L3MBTL4: variants seen among roughly 807,000 people sequenced by gnomAD.
L3MBTL4 encodes the protein lethal(3)malignant brain tumor-like protein 4.
Under a neutral mutation model 84.5 loss-of-function variants are expected in L3MBTL4, and 70 were observed. The observed-to-expected ratio is 0.83, with a 90% CI of 0.68 to 1.01. The LOEUF is 1.01. Among genes scored for constraint, L3MBTL4 ranks in the 50% least tolerant of loss-of-function variants. L3MBTL4 has a pLI of 0.00. For synonymous variants in L3MBTL4, 274 were observed against 259.8 expected (o/e 1.05, Z -0.52); for missense variants, 715 against 754.8 (o/e 0.95, Z 0.62).
At chr18:6,067,812 G>A (rs1333724066) in intron 16 of L3MBTL4, among the ~76,000 whole-genome samples, 1 of 152,086 alleles carries the variant, frequency 6.6e-6, no homozygotes. Context: ...TCTTGGTTTG[G>A]ATCCATTGCT....
At chr18:6,269,192 G>A (rs147779161) in intron 4 of L3MBTL4, among the ~76,000 whole-genome samples, 1,911 of 152,292 alleles carry the variant, frequency 0.013, 38 homozygotes, top group African/African-American at 0.043. Flanking sequence ...GCCAGGCGCG[G>A]TGGCTCACGC....
chr18:6,071,348 A>G (rs2057588967), intron 16 of L3MBTL4, among the ~76,000 whole-genome samples: 1 of 151,168 alleles, frequency 6.6e-6, no homozygotes, highest in East Asian at 2.0e-4. Context: ...CCAGGATTAC[A>G]CCACTGCACT....
At chr18:6,342,466 G>C (rs1425432765) in intron 1 of L3MBTL4, among the ~76,000 whole-genome samples, 2 of 152,066 alleles carry the variant, frequency 1.3e-5, no homozygotes, top group African/African-American at 4.8e-5. Context: ...TAAATGTATT[G>C]AGTTTTTTAA....
intron 14 of L3MBTL4, among the ~76,000 whole-genome samples, chr18:6,104,622 C>G (rs28396102): frequency 6.6e-6 from 1 of 152,204 alleles, no homozygotes; most frequent in African/African-American, 2.4e-5. Flanking sequence ...GTTTTAGTTA[C>G]CCAGATGATT....
chr18:6,233,121 C>A (rs556837541), intron 10 of L3MBTL4, among the ~76,000 whole-genome samples: 5 of 151,932 alleles, frequency 3.3e-5, no homozygotes, highest in South Asian at 4.1e-4. Flanking sequence ...ATTCAACAAC[C>A]CTTCACGCTA....
chr18:6,246,938 A>C (rs191825709), intron 5 of L3MBTL4, among the ~76,000 whole-genome samples: 3 of 152,282 alleles, frequency 2.0e-5, no homozygotes, highest in Admixed American at 2.0e-4. Flanking sequence ...GAAATTTAAA[A>C]GTTGCAACAA....
At chr18:6,413,289 G>A (rs2056046900) in intron 1 of L3MBTL4, among the ~76,000 whole-genome samples, 1 of 152,092 alleles carries the variant, frequency 6.6e-6, no homozygotes, top group Admixed American at 6.5e-5. Flanking sequence ...TGCAGTCAAG[G>A]GTTACATGCA....
rs558701205 is a variant in L3MBTL4 at position 6,117,209 on chromosome 18, G to C, written c.1199+20985C>G. 2.0e-5 allele frequency among the ~76,000 whole-genome samples: 3 copies of C among 152,326 alleles called. No individual in the cohort carries two copies. The South Asian group carries it at 6.2e-4, about 32-fold the overall frequency. On this transcript the variant is annotated intron_variant, in intron 14 of 18. Transcript: ENST00000317931. The stretch of plus-strand genomic sequence containing the variant: ...AAGCGGGACTAATTTATAGACAGGT[G>C]ACTGACAAAGGTGGGGTGAGGTCAG...
chr18:6,201,128 C>T (rs2045631580), intron 12 of L3MBTL4, among the ~76,000 whole-genome samples: 2 of 152,018 alleles, frequency 1.3e-5, no homozygotes, highest in African/African-American at 4.8e-5. Flanking sequence ...ATTCTAGAGG[C>T]AAAACAAAGT....
intron 16 of L3MBTL4, among the ~76,000 whole-genome samples, chr18:5,996,524 C>G (rs930210000): frequency 1.3e-5 from 2 of 152,186 alleles, no homozygotes; most frequent in Non-Finnish European, 2.9e-5. Flanking sequence ...CAGCATGCAG[C>G]ACTCTAGCAG....
At chr18:6,222,504 G>A (rs913375463) in intron 10 of L3MBTL4, among the ~76,000 whole-genome samples, 9 of 152,154 alleles carry the variant, frequency 5.9e-5, no homozygotes, top group African/African-American at 1.9e-4. Context: ...TGGCTCATGC[G>A]GGATCTAATC....
chr18:6,311,849 C>G (rs543775152), intron 2 of L3MBTL4, 149 bp downstream of exon 2: 1 of 411,022 alleles, frequency 2.4e-6, no homozygotes, highest in South Asian at 3.4e-5. Context: ...GAGGGCAATG[C>G]GTTTACTACC....
chr18:6,135,967 C>T (rs1017469558), intron 14 of L3MBTL4, among the ~76,000 whole-genome samples: 1 of 152,186 alleles, frequency 6.6e-6, no homozygotes, highest in Non-Finnish European at 1.5e-5. Context: ...ATTGGACTTA[C>T]AGTTCCACAT....
At chr18:6,368,472 T>C (rs367649900) in intron 1 of L3MBTL4, among the ~76,000 whole-genome samples, 8 of 152,298 alleles carry the variant, frequency 5.3e-5, no homozygotes, top group African/African-American at 1.9e-4. Flanking sequence ...CTGCTGAGTG[T>C]GTGCTTACTG....
intron 8 of L3MBTL4, 76 bp from the exon 9 acceptor site, chr18:6,239,948 T>C (rs2047386118): frequency 1.3e-6 from 2 of 1,518,304 alleles, no homozygotes; most frequent in African/African-American, 1.4e-5. Context: ...TGTCAAAACT[T>C]CTATGTTTAG....
At chr18:6,277,521 G>A (rs1166819925) in intron 4 of L3MBTL4, among the ~76,000 whole-genome samples, 1 of 151,974 alleles carries the variant, frequency 6.6e-6, no homozygotes, top group African/African-American at 2.4e-5. Context: ...AGAACGTTGG[G>A]GATTTAGGCA....
intron 13 of L3MBTL4, among the ~76,000 whole-genome samples, chr18:6,150,480 T>C (rs2042847871): frequency 6.6e-6 from 1 of 151,950 alleles, no homozygotes. Context: ...CAATGTATAA[T>C]TCTAATTACA....
chr18:5,975,593 C>CGTGCT (rs1381300724), intron 16 of L3MBTL4, among the ~76,000 whole-genome samples: 1 of 152,228 alleles, frequency 6.6e-6, no homozygotes, highest in Non-Finnish European at 1.5e-5. Flanking sequence ...GCGTACTGAA[C>CGTGCT]GTGCTTGAAG....
chr18:6,056,223 A>G (rs1258152962), intron 16 of L3MBTL4, among the ~76,000 whole-genome samples: 3 of 152,178 alleles, frequency 2.0e-5, no homozygotes, highest in Non-Finnish European at 4.4e-5. Flanking sequence ...ACTGTCATTA[A>G]ACAAACAAGC....
Sources: gnomAD v4.1 joint callset for allele counts (sites outside exome capture counted in the v4.1 genomes callset) on GRCh38, gnomAD v4.1.1 for gene constraint, MANE v1.5 for transcripts, NCBI Gene and HGNC (gene_info 2026-07-23, HGNC 2026-07-21) for gene names.